The following ARHGAP39 variants were observed in gnomAD, a reference collection of about 807,000 sequenced individuals.
ARHGAP39 encodes the protein rho GTPase-activating protein 39.
A neutral mutation model predicts 106.9 loss-of-function variants in ARHGAP39; 44 were observed. The ratio of observed to expected loss-of-function variants is 0.41; its 90% confidence interval spans 0.32 to 0.53. ARHGAP39 has a LOEUF of 0.53. Ranked by LOEUF, ARHGAP39 falls within the 20% of genes least tolerant of loss-of-function variation. ARHGAP39 has a pLI of 0.21. For synonymous variants in ARHGAP39, 768 were observed against 693.2 expected (o/e 1.11, Z -1.69); for missense variants, 1,496 against 1,577.3 (o/e 0.95, Z 0.87).
chr8:144,596,130 A>G (rs1313661328), intron 2 of ARHGAP39, among the ~76,000 whole-genome samples: 2 of 152,128 alleles, frequency 1.3e-5, no homozygotes, highest in African/African-American at 4.8e-5. Context: ...CCGGAACCCA[A>G]CGGGCCCTGG....
chr8:144,668,020 C>CT (rs112776164), intron 1 of ARHGAP39, among the ~76,000 whole-genome samples: 193 of 146,302 alleles, frequency 1.3e-3, no homozygotes, highest in Non-Finnish European at 2.3e-3. Context: ...TGTTCACAGC[C>CT]TTTTTTTTTT....
intron 1 of ARHGAP39, among the ~76,000 whole-genome samples, chr8:144,635,385 G>C (rs536440939): frequency 1.3e-5 from 2 of 152,184 alleles, no homozygotes; most frequent in East Asian, 1.9e-4. Context: ...CTGAACACAT[G>C]GGGGGAGGTT....
chr8:144,594,750 T>C (rs1586590517), intron 2 of ARHGAP39, among the ~76,000 whole-genome samples: 1 of 148,974 alleles, frequency 6.7e-6, no homozygotes, highest in African/African-American at 2.5e-5. Context: ...GGTGTGGTGG[T>C]GGCAAACATG....
At chr8:144,562,383 C>T (rs149909863) in intron 3 of ARHGAP39, among the ~76,000 whole-genome samples, 2,512 of 151,356 alleles carry the variant, frequency 0.017, 62 homozygotes, top group Admixed American at 0.057. Context: ...TGGTTTCCAT[C>T]GCGCTCCAGT....
intron 6 of ARHGAP39, among the ~76,000 whole-genome samples, chr8:144,538,913 G>T (rs946439602): frequency 6.6e-6 from 1 of 152,088 alleles, no homozygotes; most frequent in Non-Finnish European, 1.5e-5. Flanking sequence ...AATCCAATGG[G>T]TCTTTATCTT....
At chr8:144,691,859 G>A in the ARHGAP39 span, among the ~76,000 whole-genome samples, 5 of 152,068 alleles carry the variant, frequency 3.3e-5, no homozygotes, top group Admixed American at 6.6e-5. Context: ...ATTAAGCGGC[G>A]GGGTGGCGGG....
chr8:144,602,367 G>C (rs1332606730), intron 2 of ARHGAP39, among the ~76,000 whole-genome samples: 1 of 146,514 alleles, frequency 6.8e-6, no homozygotes, highest in Non-Finnish European at 1.5e-5. Flanking sequence ...ATGGAGGTGT[G>C]TGTGCGAGCT....
intron 6 of ARHGAP39, among the ~76,000 whole-genome samples, chr8:144,542,972 GT>G (rs1210076695): frequency 3.3e-5 from 5 of 150,786 alleles, no homozygotes; most frequent in Non-Finnish European, 7.4e-5. Context: ...GTCTTGCTCT[GT>G]TGCCCAGGCT....
intron 1 of ARHGAP39, among the ~76,000 whole-genome samples, chr8:144,611,728 G>A (rs1488166760): frequency 6.6e-6 from 1 of 152,010 alleles, no homozygotes; most frequent in Non-Finnish European, 1.5e-5. Context: ...TAAATTTAAA[G>A]AGGGTGGCAA....
At chr8:144,579,157 G>A (rs933344016) in intron 3 of ARHGAP39, among the ~76,000 whole-genome samples, 1 of 139,098 alleles carries the variant, frequency 7.2e-6, no homozygotes, top group African/African-American at 2.8e-5. Context: ...AGCAGCAATC[G>A]TGCCACTGCA....
intron 6 of ARHGAP39, among the ~76,000 whole-genome samples, chr8:144,540,805 AAAAG>A (rs1661860974): frequency 6.6e-6 from 1 of 152,216 alleles, no homozygotes; most frequent in Non-Finnish European, 1.5e-5. Context: ...CTGGAAAAAA[AAAAG>A]AAATATTTAT....
At position 144,545,333 on chromosome 8, in the gene ARHGAP39, C is replaced by G. The variant is rs2130837990; in HGVS notation, c.2437G>C (p.Ala813Pro). Residue 813 changes from alanine (A) to proline (P), a missense_variant, in exon 6 of 12, where the codon GCC becomes CCC. Ala to Pro is a conservative substitution (Grantham distance 27). Coordinates refer to ENST00000377307, the MANE Select transcript of ARHGAP39 (RefSeq NM_025251.3). ...AACTTGGGGGTGGGCGGGAAAAAGG[C>G]CAGGCAGATGGCCATGAGCTCCCAG... is the stretch of plus-strand genomic sequence containing the variant. ...RGWELMAICLAFFPPTPKFHS... is the reference protein window; with the variant it reads ...RGWELMAICLPFFPPTPKFHS... 1 of 1,598,950 alleles carries G rather than the reference C, an allele frequency of 6.3e-7. No homozygotes were observed. Among genetic ancestry groups the G allele is most frequent in the Admixed American group, 1.7e-5 (1 of 59,018 alleles).
rs1054702941 is a variant in ARHGAP39, at chr8:144,684,299, C to A, written c.-82+1387G>T. Reference sequence around the variant, plus strand: ...CCACACCTCCTATCAAATCGCCTTTCCCTCCCCCGGCGCGAGAATCGCACC... The same window carrying A: ...CCACACCTCCTATCAAATCGCCTTTACCTCCCCCGGCGCGAGAATCGCACC... On this transcript the variant is annotated intron_variant, in intron 1 of 11. Transcript: ENST00000377307. The surrounding 1 kb of genome is among the most constrained non-coding windows in gnomAD (Gnocchi z 4.4). Among the ~76,000 whole-genome samples the A allele has an allele frequency of 2.0e-5, 3 of 152,234 alleles. No individual in the cohort carries two copies. Among genetic ancestry groups the A allele is most frequent in the Non-Finnish European group, 4.4e-5 (3 of 68,048 alleles).
intron 1 of ARHGAP39, among the ~76,000 whole-genome samples, chr8:144,649,513 T>C (rs1353351967): frequency 7.9e-5 from 12 of 152,148 alleles, no homozygotes; most frequent in Admixed American, 7.9e-4. Context: ...CTCACATCTG[T>C]AATCCCAGCA....
At chr8:144,601,138 A>C (rs1242928714) in intron 2 of ARHGAP39, among the ~76,000 whole-genome samples, 2 of 38,116 alleles carry the variant, frequency 5.2e-5, no homozygotes, top group Non-Finnish European at 1.0e-4. Flanking sequence ...GGAGGCGTGC[A>C]TGTGTGCTCG....
intron 2 of ARHGAP39, among the ~76,000 whole-genome samples, chr8:144,605,330 G>A (rs922280481): frequency 6.6e-6 from 1 of 152,180 alleles, no homozygotes; most frequent in African/African-American, 2.4e-5. Context: ...GAATCATGGC[G>A]ACCCGCATCT....
At chr8:144,623,897 T>C (rs1392864001) in intron 1 of ARHGAP39, among the ~76,000 whole-genome samples, 2 of 152,088 alleles carry the variant, frequency 1.3e-5, no homozygotes, top group Non-Finnish European at 2.9e-5. Flanking sequence ...TGGCAGTGAG[T>C]GAGGAGCTCT....
chr8:144,622,073 G>A lies in ARHGAP39; in HGVS notation c.-81-16378C>T, dbSNP rs576855050. 2.6e-5 allele frequency among the ~76,000 whole-genome samples: 4 copies of A among 152,270 alleles called. No homozygotes were observed. In the South Asian group the frequency reaches 8.3e-4, roughly 32 times the overall value. On this transcript the variant is annotated intron_variant, in intron 1 of 11. Coordinates refer to ENST00000377307, the MANE Select transcript of ARHGAP39 (RefSeq NM_025251.3). ...CATTTACCCCACAGAAAGCAGGAAA[G>A]AAAAAGAGGAAAGGGACAGACACAG...
At chr8:144,674,748 G>A (rs946214651) in intron 1 of ARHGAP39, among the ~76,000 whole-genome samples, 1 of 152,182 alleles carries the variant, frequency 6.6e-6, no homozygotes, top group Non-Finnish European at 1.5e-5. Context: ...GCCCCTCCTC[G>A]GGCTCCCTCC....
Sources: allele counts gnomAD v4.1 joint callset (sites outside exome capture counted in the v4.1 genomes callset), GRCh38; gene constraint gnomAD v4.1.1; non-coding constraint Gnocchi (gnomAD v3.1); transcripts MANE v1.5; gene names NCBI Gene and HGNC (gene_info 2026-07-23, HGNC 2026-07-21).